KCTD10: variants seen among roughly 807,000 people sequenced by gnomAD.
KCTD10 encodes the protein BTB/POZ domain-containing adapter for CUL3-mediated RhoA degradation protein 3.
Under a neutral mutation model 34.6 loss-of-function variants are expected in KCTD10, and 13 were observed. The ratio of observed to expected loss-of-function variants is 0.38; its 90% CI spans 0.24 to 0.60. KCTD10 has a LOEUF of 0.60. Among genes scored for constraint, KCTD10 ranks in the 20% least tolerant of loss-of-function variants. The pLI, the probability that KCTD10 is intolerant of heterozygous loss-of-function variation, is 0.66. For synonymous variants in KCTD10, 156 were observed against 168.8 expected (o/e 0.92, Z 0.59); for missense variants, 256 against 420.3 (o/e 0.61, Z 3.42).
chr12:109,471,670 T>C (rs1282762013), intron 1 of KCTD10, among the ~76,000 whole-genome samples: 2 of 152,070 alleles, frequency 1.3e-5, no homozygotes, highest in African/African-American at 4.8e-5. Flanking sequence ...GAGTAGCTTA[T>C]GGAAATAAAA....
chr12:109,453,391 G>A (rs1566051437), intron 6 of KCTD10, among the ~76,000 whole-genome samples: 1 of 152,176 alleles, frequency 6.6e-6, no homozygotes, highest in Non-Finnish European at 1.5e-5. Context: ...CAGGGGTGTT[G>A]CTATGTTGCC....
Position 109,451,914 on chromosome 12 carries a change from ATTC to A in KCTD10, c.724-104_724-102del. ...CGCCAGGCTAAATCAGGCCCCTGGG[ATTC>A]TGCTGAAGGCCACCAGTATTATTTT... On this transcript the variant is annotated intron_variant, in intron 6 of 6. Transcript: ENST00000228495. This position sits in a 1 kb window ranked among gnomAD's most constrained non-coding sequence, Gnocchi z 5.0. 1.2e-6 allele frequency: 1 copy of A among 857,524 alleles called. No individual in the cohort carries two copies. 53.1% of individuals were successfully genotyped at this position (857,524 alleles called of 1,614,324 possible). A position where few individuals can be genotyped will look rare whatever the true frequency, so the allele number is the denominator to read the frequency against.
intron 1 of KCTD10, among the ~76,000 whole-genome samples, chr12:109,472,092 C>T (rs909916685): frequency 6.6e-6 from 1 of 152,096 alleles, no homozygotes; most frequent in South Asian, 2.1e-4. Flanking sequence ...AGGGAGGCCA[C>T]ACTACATTTA....
Position 109,450,573 on chromosome 12 carries a change from G to A in KCTD10, c.*1022C>T. 2.5e-6 allele frequency: 1 copy of A among 393,572 alleles called. No homozygotes were observed. The highest frequency in any genetic ancestry group is 4.5e-6 in the Non-Finnish European group (1 of 223,390). The allele number at this position is 393,572 out of a possible 1,614,324, so 24.4% of individuals were successfully genotyped here. On this transcript the variant is annotated 3_prime_UTR_variant, in exon 7 of 7. Coordinates refer to ENST00000228495, the MANE Select transcript of KCTD10 (RefSeq NM_031954.5). ...AAGCTCCCTGGGGCTGGTGGTGTGA[G>A]GGTGTCCCTGCCTGGATGCCAGGCT...
chr12:109,472,227 T>C (rs556172552), intron 1 of KCTD10, among the ~76,000 whole-genome samples: 8 of 152,330 alleles, frequency 5.3e-5, no homozygotes, highest in South Asian at 2.1e-4. Flanking sequence ...AAAACACATA[T>C]TGCACAGCTG....
chr12:109,456,682 G>A (rs903692593), intron 5 of KCTD10: 1 of 341,612 alleles, frequency 2.9e-6, no homozygotes, highest in Admixed American at 4.3e-5. Flanking sequence ...CTGCCCAAGG[G>A]AGACTCTATA....
At position 109,457,998 on chromosome 12, in the gene KCTD10, T is replaced by G. The variant is rs750305903; in HGVS notation, c.468A>C (p.Ser156=). The change falls in exon 4 of 7, where the codon TCA becomes TCC. Residue 156 remains serine (S), a synonymous_variant. Transcript: ENST00000228495. The part of the protein sequence containing the change: ...SKEEQKLIAT[S]NKPAVKLLYN... The stretch of plus-strand genomic sequence containing the variant: ...AAGGGTGCCTCCAACATACCTTATT[T>G]GAAGTCGCTATAAGTTTTTGTTCTT... 3.1e-6 allele frequency: 5 copies of G among 1,613,176 alleles called. No individual in the cohort carries two copies. Among genetic ancestry groups the G allele is most frequent in the Non-Finnish European group, 4.2e-6 (5 of 1,179,068 alleles).
chr12:109,458,313 G>A, intron 3 of KCTD10: 4 of 472,910 alleles, frequency 8.5e-6, no homozygotes, highest in Non-Finnish European at 1.5e-5. Flanking sequence ...TACTAACAAT[G>A]ATGACACATT....
Position 109,450,110 on chromosome 12 carries a change from T to C in KCTD10, c.*1485A>G. On this transcript the variant is annotated 3_prime_UTR_variant, in exon 7 of 7. Coordinates refer to ENST00000228495, the MANE Select transcript of KCTD10 (RefSeq NM_031954.5). ...AATATAAACTCGTTTTTGGAATACA[T>C]GTGTCAAAGGCTGCCCATGTTAATA... is the stretch of plus-strand genomic sequence containing the variant. 1 of 396,952 alleles carries C rather than the reference T, an allele frequency of 2.5e-6. No individual in the cohort carries two copies. The highest frequency in any genetic ancestry group is 3.6e-5 in the East Asian group (1 of 28,032). The allele number at this position is 396,952 out of a possible 1,614,324, so 24.6% of individuals were successfully genotyped here. A position where few individuals can be genotyped will look rare whatever the true frequency, so the allele number is the denominator to read the frequency against.
At chr12:109,469,418 C>T in intron 2 of KCTD10, 97 bp downstream of exon 2, 1 of 1,442,256 alleles carries the variant, frequency 6.9e-7, no homozygotes, top group South Asian at 1.3e-5. Context: ...GCCTCCTACA[C>T]ATCTTCAGGT....
Position 109,456,141 on chromosome 12 carries a change from C to T in KCTD10, c.700G>A (p.Ala234Thr), listed in dbSNP as rs1429827297. The T allele has an allele frequency of 6.2e-7, 1 of 1,614,158 alleles. No individual in the cohort carries two copies. The highest frequency in any genetic ancestry group is 1.1e-5 in the South Asian group (1 of 91,074). The change falls in exon 6 of 7, where the codon GCC becomes ACC. Residue 234 changes from alanine to threonine, a missense_variant. By Grantham distance (58) the Ala-to-Thr change is moderately conservative. Around this residue, in one of 3 missense-constraint regions of KCTD10, gnomAD observed 41 missense variants for 124.2 expected, o/e 0.33. Coordinates refer to ENST00000228495, the MANE Select transcript of KCTD10 (RefSeq NM_031954.5). ...AEVCCTSIVY[A>T]TEKKQTKVEF... ...ACCTTGGTCTGTTTCTTCTCAGTGG[C>T]ATAGACGATGGAGGTACAACAGACT... is the stretch of plus-strand genomic sequence containing the variant.
chr12:109,452,854 T>TTTTTTTTTTTTTTA lies in KCTD10; in HGVS notation c.724-1042_724-1041insTAAAAAAAAAAAAA, dbSNP rs1228946105. On this transcript the variant is annotated intron_variant, in intron 6 of 6. Coordinates refer to ENST00000228495, the MANE Select transcript of KCTD10 (RefSeq NM_031954.5). ...ATCCTGGTTTTCTTTCCTTTTTTTT[T>TTTTTTTTTTTTTTA]AAAAGATATGGGATCTGGCTAATTA... 8.0e-3 allele frequency among the ~76,000 whole-genome samples: 1,204 copies of TTTTTTTTTTTTTTA among 151,118 alleles called. 15 individuals are homozygous for TTTTTTTTTTTTTTA. The highest frequency in any genetic ancestry group is 0.029 in the African/African-American group (1,173 of 40,744).
intron 2 of KCTD10, among the ~76,000 whole-genome samples, chr12:109,462,544 T>C (rs530578425): frequency 6.6e-6 from 1 of 152,212 alleles, no homozygotes; most frequent in Non-Finnish European, 1.5e-5. Flanking sequence ...AAACAAAATA[T>C]GGAATTAATA....
chr12:109,463,767 T>C lies in KCTD10; in HGVS notation c.218-2962A>G, dbSNP rs545063377. Among the ~76,000 whole-genome samples, 16 of 152,318 alleles carry C rather than the reference T, an allele frequency of 1.1e-4. 1 individual carries two copies. In the South Asian group the frequency reaches 1.9e-3, roughly 18 times the overall value. On this transcript the variant is annotated intron_variant, in intron 2 of 6. Coordinates refer to ENST00000228495, the MANE Select transcript of KCTD10 (RefSeq NM_031954.5). Reference sequence around the variant, plus strand: ...AATTAACCTCTGTCTAGCAGTTTTCTCTTCTACAAACGATCTCACAGGGTT... The same window carrying C: ...AATTAACCTCTGTCTAGCAGTTTTCCCTTCTACAAACGATCTCACAGGGTT...
chr12:109,457,575 T>G, intron 5 of KCTD10, 55 bp downstream of exon 5: 1 of 1,501,402 alleles, frequency 6.7e-7, no homozygotes, highest in Non-Finnish European at 9.3e-7. Flanking sequence ...GCCTGGCTGG[T>G]GTGAGTGGAG....
chr12:109,469,948 T>A, intron 1 of KCTD10: 1 of 1,239,392 alleles, frequency 8.1e-7, no homozygotes, highest in Non-Finnish European at 1.1e-6. Flanking sequence ...GGGGAACAAC[T>A]GGTCAGAGCT....
intron 2 of KCTD10, among the ~76,000 whole-genome samples, chr12:109,463,674 C>T (rs1270762481): frequency 1.3e-5 from 2 of 152,192 alleles, no homozygotes; most frequent in African/African-American, 2.4e-5. Flanking sequence ...ACGTCCTCAG[C>T]ACAGCACAGC....
At chr12:109,457,908 AT>A (rs1441230727) in intron 4 of KCTD10, 83 bp downstream of exon 4, 1 of 1,232,544 alleles carries the variant, frequency 8.1e-7, no homozygotes, top group African/African-American at 1.5e-5. Context: ...GCAATTATAC[AT>A]GTTTTTATTT....
At position 109,474,205 on chromosome 12, in the gene KCTD10, G is replaced by A. The variant is rs546232243; in HGVS notation, c.3+3055C>T. On this transcript the variant is annotated intron_variant, in intron 1 of 6. Transcript: ENST00000228495. Reference sequence around the variant, plus strand: ...GCTGAGATTACAGGCATGAACCACCGTGCCTGGCCAGGATCCTGCTTTTTG... The same window carrying A: ...GCTGAGATTACAGGCATGAACCACCATGCCTGGCCAGGATCCTGCTTTTTG... 2.6e-5 allele frequency among the ~76,000 whole-genome samples: 4 copies of A among 152,240 alleles called. No homozygotes were observed. In the East Asian group the frequency reaches 5.8e-4, roughly 22 times the overall value.
Sources: allele counts gnomAD v4.1 joint callset (sites outside exome capture counted in the v4.1 genomes callset), GRCh38; gene constraint gnomAD v4.1.1; regional missense constraint gnomAD v4.1.1; non-coding constraint Gnocchi (gnomAD v3.1); transcripts MANE v1.5; gene names NCBI Gene and HGNC (gene_info 2026-07-23, HGNC 2026-07-21).